The following MECOM variants were observed in gnomAD, a reference collection of about 807,000 sequenced individuals.
MECOM encodes the protein MDS1 and EVI1 complex locus, also known as histone-lysine N-methyltransferase MECOM.
Under a neutral mutation model 116.3 loss-of-function variants are expected in MECOM, and 13 were observed. The ratio of observed to expected loss-of-function variants is 0.11; its 90% confidence interval spans 0.07 to 0.18. MECOM has a LOEUF of 0.18. Among genes scored for constraint, MECOM ranks in the 10% least tolerant of loss-of-function variants. The pLI is 1.00. For missense variants in MECOM, 1,299 were observed against 1,509.0 expected, an observed-to-expected ratio of 0.86 and a Z score of 2.31; for synonymous variants, 528 against 535.2, an observed-to-expected ratio of 0.99 and a Z score of 0.19.
chr3:169,122,598 T>G lies in MECOM; in HGVS notation c.960A>C (p.Glu320Asp). 3 of 1,614,042 alleles carry G rather than the reference T, an allele frequency of 1.9e-6. No homozygotes were observed. ...ACTGTACCTTGGCACAGTTTTCACATTCATAGTGCTTTCCACTGTCATGTG... is the reference window on the plus strand; with the variant it reads ...ACTGTACCTTGGCACAGTTTTCACAGTCATAGTGCTTTCCACTGTCATGTG... ...QMSHDSGKHY[E>D]CENCAKVFTD... Residue 320 changes from glutamate to aspartate, a missense_variant, in exon 6 of 17, where the codon GAA becomes GAC. Physicochemically the swap from Glu to Asp is conservative, Grantham distance 45. Coordinates refer to ENST00000651503, the MANE Select transcript of MECOM (RefSeq NM_004991.4).
rs190945422 is a variant in MECOM, at chr3:169,452,655, G to T, written c.38-71131C>A. ...ACAACTAAAATGCAGTTCTGCGCCG[G>T]CTTCAGAGGGGCCAGGTTTCCCACA... On this transcript the variant is annotated intron_variant, in intron 1 of 16. Coordinates refer to ENST00000651503, the MANE Select transcript of MECOM (RefSeq NM_004991.4). Among the ~76,000 whole-genome samples the T allele has an allele frequency of 1.2e-4, 19 of 152,250 alleles. 1 individual carries two copies. In the East Asian group the frequency reaches 3.7e-3, roughly 29 times the overall value.
At chr3:169,377,923 A>G (rs1383416981) in intron 2 of MECOM, among the ~76,000 whole-genome samples, 1 of 152,174 alleles carries the variant, frequency 6.6e-6, no homozygotes, top group Admixed American at 6.5e-5. Context: ...GAACCAACCC[A>G]AATGCCCATC....
intron 2 of MECOM, among the ~76,000 whole-genome samples, chr3:169,224,946 G>T (rs1047943019): frequency 6.6e-6 from 1 of 152,140 alleles, no homozygotes; most frequent in Non-Finnish European, 1.5e-5. Context: ...ATGTATGTGT[G>T]TATTTTCCAA....
chr3:169,430,298 A>T (rs1000270888), intron 1 of MECOM, among the ~76,000 whole-genome samples: 2 of 152,210 alleles, frequency 1.3e-5, no homozygotes, highest in Non-Finnish European at 2.9e-5. Flanking sequence ...TCAAAAATTA[A>T]AATGTAACCA....
intron 1 of MECOM, among the ~76,000 whole-genome samples, chr3:169,604,903 T>G (rs1047054546): frequency 2.6e-5 from 4 of 152,216 alleles, no homozygotes; most frequent in African/African-American, 9.6e-5. Context: ...TTTTTCCCTT[T>G]TCCTCACATG....
At chr3:169,660,754 G>A (rs555837438) in intron 1 of MECOM, among the ~76,000 whole-genome samples, 4 of 152,262 alleles carry the variant, frequency 2.6e-5, no homozygotes, top group South Asian at 2.1e-4. Context: ...AACCATCTCC[G>A]CCACGCGCTA....
intron 10 of MECOM, among the ~76,000 whole-genome samples, chr3:169,104,704 G>A (rs1295395290): frequency 6.6e-6 from 1 of 152,132 alleles, no homozygotes; most frequent in African/African-American, 2.4e-5. Flanking sequence ...GCTTACTCAT[G>A]ACTATTATTC....
intron 2 of MECOM, among the ~76,000 whole-genome samples, chr3:169,160,617 G>T (rs1476434462): frequency 6.8e-6 from 1 of 147,260 alleles, no homozygotes; most frequent in African/African-American, 2.5e-5. Flanking sequence ...ATATATTATT[G>T]TACATTTTAA....
At chr3:169,557,224 TC>T (rs1199287517) in intron 1 of MECOM, among the ~76,000 whole-genome samples, 2 of 152,058 alleles carry the variant, frequency 1.3e-5, no homozygotes, top group Non-Finnish European at 2.9e-5. Context: ...CTATGTTCCC[TC>T]CCCTGAAGAA....
rs781703062 is a variant in MECOM, at chr3:169,262,518, G to A, written c.375+118669C>T. 3.3e-5 allele frequency among the ~76,000 whole-genome samples: 5 copies of A among 152,132 alleles called. No individual in the cohort carries two copies. In the East Asian group the frequency reaches 5.8e-4, roughly 18 times the overall value. On this transcript the variant is annotated intron_variant, in intron 2 of 16. Coordinates refer to ENST00000651503, the MANE Select transcript of MECOM (RefSeq NM_004991.4). ...GCTCTGCTTGCCCTGATAGAGAGTC[G>A]TGGGACGGAATTTGACCAATGAAAT...
rs536335464 is a variant in MECOM, at chr3:169,656,506, A to G, written c.37+6830T>C. 6.6e-5 allele frequency among the ~76,000 whole-genome samples: 10 copies of G among 152,210 alleles called. 2 individuals are homozygous for G. In the South Asian group the frequency reaches 2.1e-3, roughly 32 times the overall value. Reference sequence around the variant, plus strand: ...TAAAAATTCAGTTCCCTTTTTTTCCATAATGAAACAGTTCTTTAACCACAA... The same window carrying G: ...TAAAAATTCAGTTCCCTTTTTTTCCGTAATGAAACAGTTCTTTAACCACAA... On this transcript the variant is annotated intron_variant, in intron 1 of 16. Coordinates refer to ENST00000651503, the MANE Select transcript of MECOM (RefSeq NM_004991.4).
At chr3:169,440,324 G>T (rs1464998740) in intron 1 of MECOM, among the ~76,000 whole-genome samples, 1 of 152,118 alleles carries the variant, frequency 6.6e-6, no homozygotes, top group Non-Finnish European at 1.5e-5. Flanking sequence ...AAGCCTTCTT[G>T]TTGAAATGCG....
At chr3:169,225,829 C>T (rs776491639) in intron 2 of MECOM, among the ~76,000 whole-genome samples, 6 of 152,136 alleles carry the variant, frequency 3.9e-5, no homozygotes, top group Non-Finnish European at 8.8e-5. Flanking sequence ...AGGCTGGTCT[C>T]GAAATCCTGA....
At chr3:169,187,166 G>A (rs529540142) in intron 2 of MECOM, among the ~76,000 whole-genome samples, 36 of 152,238 alleles carry the variant, frequency 2.4e-4, no homozygotes, top group Admixed American at 9.8e-4. Context: ...GGAAAATCAT[G>A]GTAGAAGTTT....
At chr3:169,559,366 ATG>A (rs769402065) in intron 1 of MECOM, among the ~76,000 whole-genome samples, 1 of 152,124 alleles carries the variant, frequency 6.6e-6, no homozygotes, top group Non-Finnish European at 1.5e-5. Context: ...TTCATCATGT[ATG>A]TGTGTGTGTA....
chr3:169,519,220 T>C (rs2109073317), intron 1 of MECOM, among the ~76,000 whole-genome samples: 1 of 152,308 alleles, frequency 6.6e-6, no homozygotes. Flanking sequence ...TCCAGAACCT[T>C]AAAACTATAG....
At position 169,134,095 on chromosome 3, in the gene MECOM, C is replaced by CA. The variant is rs1223127797; in HGVS notation, c.511-2565dup. ...TCTCTATTGGGGAATACTACTTAGA[C>CA]ACACGTCAGGTCATTTTAAGAGAGT... is the stretch of plus-strand genomic sequence containing the variant. On this transcript the variant is annotated intron_variant, in intron 3 of 16. Coordinates refer to ENST00000651503, the MANE Select transcript of MECOM (RefSeq NM_004991.4). 1.0e-5 allele frequency: 4 copies of CA among 393,876 alleles called. No individual in the cohort carries two copies. The Admixed American group carries it at 1.4e-4, about 14-fold the overall frequency. The allele number at this position is 393,876 out of a possible 1,614,324, so 24.4% of individuals were successfully genotyped here.
At chr3:169,422,998 T>C (rs891080911) in intron 1 of MECOM, among the ~76,000 whole-genome samples, 8 of 152,104 alleles carry the variant, frequency 5.3e-5, no homozygotes, top group South Asian at 2.1e-4. Flanking sequence ...AAAAAATAAC[T>C]AAATTGGGGT....
intron 2 of MECOM, among the ~76,000 whole-genome samples, chr3:169,295,855 A>G (rs916007673): frequency 1.3e-5 from 2 of 152,266 alleles, no homozygotes; most frequent in Non-Finnish European, 2.9e-5. Flanking sequence ...AAAAACAAGT[A>G]TTACAATCAC....
Sources: allele counts gnomAD v4.1 joint callset (sites outside exome capture counted in the v4.1 genomes callset), GRCh38; gene constraint gnomAD v4.1.1; transcripts MANE v1.5; gene names NCBI Gene and HGNC (gene_info 2026-07-23, HGNC 2026-07-21).